Variants in MEMO1 observed in about 807,000 individuals in gnomAD.
The protein encoded by MEMO1 is protein MEMO1.
MEMO1 carries 6 observed loss-of-function variants against 45.2 expected under a neutral mutation model. The ratio of observed to expected loss-of-function variants is 0.13; its 90% confidence interval spans 0.07 to 0.26. The LOEUF (loss-of-function observed/expected upper bound fraction) is 0.26. Ranked by LOEUF, MEMO1 falls within the 10% of genes least tolerant of loss-of-function variation. The pLI, the probability that MEMO1 is intolerant of heterozygous loss-of-function variation, is 1.00. For synonymous variants in MEMO1, 78 were observed against 124.3 expected (o/e 0.63, Z 2.48); for missense variants, 184 against 370.5 (o/e 0.50, Z 4.13).
At chr2:31,984,072 A>T (rs981402798) in intron 2 of MEMO1, among the ~76,000 whole-genome samples, 1 of 152,230 alleles carries the variant, frequency 6.6e-6, no homozygotes, top group African/African-American at 2.4e-5. Context: ...TTAGAGAAGA[A>T]CTCAAGTAAT....
chr2:31,898,168 C>A (rs1322557199), intron 6 of MEMO1, among the ~76,000 whole-genome samples: 1 of 151,944 alleles, frequency 6.6e-6, no homozygotes, highest in Non-Finnish European at 1.5e-5. Flanking sequence ...AAAACCAGCT[C>A]CTGGATTCAA....
At chr2:31,995,351 G>A (rs1189178954) in intron 2 of MEMO1, among the ~76,000 whole-genome samples, 1 of 152,108 alleles carries the variant, frequency 6.6e-6, no homozygotes, top group Admixed American at 6.6e-5. Flanking sequence ...ACTCGGGAGA[G>A]GCTGAGGCAG....
chr2:32,004,718 G>A (rs1404835866), intron 2 of MEMO1, among the ~76,000 whole-genome samples: 1 of 152,058 alleles, frequency 6.6e-6, no homozygotes, highest in African/African-American at 2.4e-5. Context: ...CCTGAGGTCA[G>A]GAGTTCAAGA....
At chr2:31,910,813 T>C (rs1408957364) in intron 6 of MEMO1, among the ~76,000 whole-genome samples, 3 of 152,032 alleles carry the variant, frequency 2.0e-5, no homozygotes, top group Non-Finnish European at 2.9e-5. Flanking sequence ...TAAGCCAAGA[T>C]TGTGCACCCC....
intron 7 of MEMO1, among the ~76,000 whole-genome samples, chr2:31,889,273 A>G (rs1326821978): frequency 6.6e-6 from 1 of 152,100 alleles, no homozygotes; most frequent in Non-Finnish European, 1.5e-5. Flanking sequence ...TCCCCAAAAA[A>G]TTCAGGTATT....
At chr2:31,971,455 C>T (rs576257843) in intron 2 of MEMO1, among the ~76,000 whole-genome samples, 1 of 152,216 alleles carries the variant, frequency 6.6e-6, no homozygotes, top group South Asian at 2.1e-4. Context: ...GTCTTGCACT[C>T]CTGGGCTCAA....
chr2:31,923,280 T>C (rs1181179737), intron 4 of MEMO1, among the ~76,000 whole-genome samples: 1 of 152,142 alleles, frequency 6.6e-6, no homozygotes, highest in Non-Finnish European at 1.5e-5. Context: ...TTTTGAAAAG[T>C]GTCTGTTCAT....
At chr2:31,883,048 GT>G (rs767750095) in intron 8 of MEMO1, among the ~76,000 whole-genome samples, 19 of 152,064 alleles carry the variant, frequency 1.2e-4, no homozygotes, top group Non-Finnish European at 1.6e-4. Context: ...TAGAGTCAAG[GT>G]ATCCCATCAT....
chr2:31,933,600 T>C (rs1447272824), intron 3 of MEMO1, among the ~76,000 whole-genome samples: 1 of 151,838 alleles, frequency 6.6e-6, no homozygotes, highest in Non-Finnish European at 1.5e-5. Context: ...ATGGTCCTAA[T>C]CTGAAGTAGC....
At chr2:31,941,523 A>C (rs1338681296) in intron 3 of MEMO1, among the ~76,000 whole-genome samples, 1 of 152,164 alleles carries the variant, frequency 6.6e-6, no homozygotes, top group Non-Finnish European at 1.5e-5. Flanking sequence ...CCTAGTACCA[A>C]AATGCTAGTA....
In MEMO1 at chr2:31,951,929, G is replaced by T. The variant is rs77645603; in HGVS notation, c.62-8546C>A. The stretch of plus-strand genomic sequence containing the variant: ...TATGATCACACACTTGGAATTTATT[G>T]CTATGCTTTTTACAAAATTCATATC... On this transcript the variant is annotated intron_variant, in intron 2 of 9. Coordinates refer to ENST00000404530, the MANE Select transcript of MEMO1 (RefSeq NM_001301833.4). Among the ~76,000 whole-genome samples the T allele has an allele frequency of 6.1e-3, 924 of 152,200 alleles. 12 individuals carry two copies. The highest frequency in any genetic ancestry group is 0.021 in the African/African-American group (866 of 41,504).
intron 2 of MEMO1, among the ~76,000 whole-genome samples, chr2:31,950,233 C>T (rs1199153701): frequency 6.6e-6 from 1 of 150,480 alleles, no homozygotes; most frequent in Admixed American, 6.6e-5. Flanking sequence ...ATACAAAAAG[C>T]AGCTGAGCAT....
chr2:31,959,185 G>A (rs1002985565), intron 2 of MEMO1, among the ~76,000 whole-genome samples: 10 of 152,210 alleles, frequency 6.6e-5, no homozygotes, highest in African/African-American at 2.4e-4. Flanking sequence ...TAGTAAGAGT[G>A]TGAGCCTTAA....
rs549299818 is a variant in MEMO1, at chr2:31,906,613, G to A, written c.437+11313C>T. 3.9e-5 allele frequency among the ~76,000 whole-genome samples: 6 copies of A among 152,208 alleles called. No homozygotes were observed. In the East Asian group the frequency reaches 9.6e-4, roughly 24 times the overall value. ...GCTGAGATTACAGGTGTTAGCCATC[G>A]CACCCAGCCTAGGAGTGCTATTCTT... is the stretch of plus-strand genomic sequence containing the variant. On this transcript the variant is annotated intron_variant, in intron 6 of 9. Coordinates refer to ENST00000404530, the MANE Select transcript of MEMO1 (RefSeq NM_001301833.4).
In MEMO1 at chr2:31,933,351, T is replaced by TAAAAA. The variant is rs869274123; in HGVS notation, c.144-1217_144-1216insTTTTT. Among the ~76,000 whole-genome samples, 83 of 45,090 alleles carry TAAAAA rather than the reference T, an allele frequency of 1.8e-3. 3 individuals are homozygous for TAAAAA. Among genetic ancestry groups the TAAAAA allele is most frequent in the Non-Finnish European group, 2.6e-3 (70 of 26,838 alleles). 29.6% of individuals were successfully genotyped at this position (45,090 alleles called of 152,430 possible). Reference sequence around the variant, plus strand: ...AAAAAAAAAAAAAAAAAAAAAAAATTTATATATATATATATATATATATAT... The same window carrying TAAAAA: ...AAAAAAAAAAAAAAAAAAAAAAAATTAAAAATATATATATATATATATATATATAT... On this transcript the variant is annotated intron_variant, in intron 3 of 9. Transcript: ENST00000404530.
rs757140012 is a variant in MEMO1, at chr2:31,869,265, CTTAA to C, written c.762+579_762+582del. ...TTCCTGAGTATACACTTTCTTCTTT[CTTAA>C]TTAATGTCATATTTTCATTCAAGAA... is the stretch of plus-strand genomic sequence containing the variant. On this transcript the variant is annotated intron_variant, in intron 9 of 9. Transcript: ENST00000404530. Among the ~76,000 whole-genome samples the C allele has an allele frequency of 5.3e-5, 8 of 152,152 alleles. No individual in the cohort carries two copies. In the East Asian group the frequency reaches 1.2e-3, roughly 22 times the overall value.
At chr2:31,936,252 G>A (rs746766968) in intron 3 of MEMO1, among the ~76,000 whole-genome samples, 2 of 152,110 alleles carry the variant, frequency 1.3e-5, no homozygotes, top group Non-Finnish European at 2.9e-5. Context: ...ATGAGCCACC[G>A]CGCCTGGCCT....
At chr2:31,988,001 CAG>C (rs1479762552) in intron 2 of MEMO1, among the ~76,000 whole-genome samples, 2 of 152,008 alleles carry the variant, frequency 1.3e-5, no homozygotes, top group East Asian at 3.9e-4. Flanking sequence ...GGAGTATGCG[CAG>C]AGTGTTAGTA....
intron 6 of MEMO1, among the ~76,000 whole-genome samples, chr2:31,903,610 T>C (rs1229418090): frequency 9.9e-5 from 15 of 152,232 alleles, no homozygotes; most frequent in Admixed American, 9.2e-4. Flanking sequence ...ACTCATGTTC[T>C]ATACGTCTTA....
Sources: allele counts gnomAD v4.1 joint callset (sites outside exome capture counted in the v4.1 genomes callset), GRCh38; gene constraint gnomAD v4.1.1; transcripts MANE v1.5; gene names NCBI Gene and HGNC (gene_info 2026-07-23, HGNC 2026-07-21).